Variants in PACSIN2 observed in about 807,000 individuals in gnomAD.
PACSIN2 encodes protein kinase C and casein kinase substrate in neurons 2.
PACSIN2 carries 25 observed loss-of-function variants against 63.8 expected under a neutral mutation model. The observed-to-expected ratio is 0.39, with a 90% confidence interval of 0.29 to 0.55. PACSIN2 has a LOEUF of 0.55. PACSIN2 is among the 20% of genes least tolerant of loss of function. PACSIN2 has a pLI of 0.62. For synonymous variants in PACSIN2, 255 were observed against 256.2 expected, an observed-to-expected ratio of 1.00 and a Z score of 0.05; for missense variants, 518 against 646.9, an observed-to-expected ratio of 0.80 and a Z score of 2.16.
chr22:42,895,452 T>C (rs1241121283), intron 2 of PACSIN2, among the ~76,000 whole-genome samples: 1 of 152,196 alleles, frequency 6.6e-6, no homozygotes. Flanking sequence ...AGTATTCAAA[T>C]TGGTAATCAC....
intron 1 of PACSIN2, among the ~76,000 whole-genome samples, chr22:42,981,433 A>T (rs1197568027): frequency 9.8e-6 from 1 of 102,346 alleles, no homozygotes; most frequent in Non-Finnish European, 2.0e-5. Flanking sequence ...CCTACTGGGA[A>T]GTGAGGAGCC....
At chr22:42,904,745 TC>T (rs1449878575) in intron 2 of PACSIN2, among the ~76,000 whole-genome samples, 1 of 152,046 alleles carries the variant, frequency 6.6e-6, no homozygotes, top group East Asian at 1.9e-4. Flanking sequence ...CCAGTCTACC[TC>T]CACCCTGGCC....
At chr22:42,889,373 T>TACACACACATAC (rs1555909670) in intron 4 of PACSIN2, among the ~76,000 whole-genome samples, 2 of 122,424 alleles carry the variant, frequency 1.6e-5, no homozygotes, top group African/African-American at 5.6e-5. Flanking sequence ...TAATGGTTTT[T>TACACACACATAC]ACACACACAC....
rs541956164 is a variant in PACSIN2, at chr22:42,971,374, C to T, written c.-78+43647G>A. ...GGTGCCAGGACTGCAGACGGAGTCT[C>T]GCTCACTCAGTGCTCTATGTTGCCC... On this transcript the variant is annotated intron_variant, in intron 1 of 10. Coordinates refer to ENST00000263246, the MANE Select transcript of PACSIN2 (RefSeq NM_001184970.3). 2.0e-5 allele frequency among the ~76,000 whole-genome samples: 3 copies of T among 152,344 alleles called. No homozygotes were observed. In the South Asian group the frequency reaches 6.2e-4, roughly 32 times the overall value.
intron 1 of PACSIN2, among the ~76,000 whole-genome samples, chr22:42,977,679 G>A (rs1432987293): frequency 6.6e-6 from 1 of 152,140 alleles, no homozygotes; most frequent in Non-Finnish European, 1.5e-5. Flanking sequence ...GGACCTGATG[G>A]GAGGTGATTA....
chr22:42,940,449 C>T (rs1398696608), intron 1 of PACSIN2, among the ~76,000 whole-genome samples: 1 of 152,146 alleles, frequency 6.6e-6, no homozygotes, highest in East Asian at 1.9e-4. Context: ...AGGTAGCTCT[C>T]AAACTTCCTC....
At chr22:42,934,929 T>A (rs1932866913) in intron 1 of PACSIN2, among the ~76,000 whole-genome samples, 1 of 152,096 alleles carries the variant, frequency 6.6e-6, no homozygotes, top group African/African-American at 2.4e-5. Flanking sequence ...TTTTTCTTTT[T>A]TTTTGAGACA....
chr22:42,971,065 G>T (rs1316409147), intron 1 of PACSIN2, among the ~76,000 whole-genome samples: 1 of 152,184 alleles, frequency 6.6e-6, no homozygotes, highest in Non-Finnish European at 1.5e-5. Flanking sequence ...GAAAGGAGGT[G>T]GCATTACAAA....
At chr22:42,911,497 C>T (rs956114132) in intron 2 of PACSIN2, among the ~76,000 whole-genome samples, 1 of 151,278 alleles carries the variant, frequency 6.6e-6, no homozygotes, top group African/African-American at 2.4e-5. Flanking sequence ...TCCGCCTCCA[C>T]AAAAAAACAA....
chr22:42,924,005 G>A (rs1482753177), intron 1 of PACSIN2, among the ~76,000 whole-genome samples: 1 of 151,558 alleles, frequency 6.6e-6, no homozygotes, highest in Non-Finnish European at 1.5e-5. Context: ...TTGTGCCACT[G>A]CACTTCAATC....
intron 1 of PACSIN2, among the ~76,000 whole-genome samples, chr22:42,943,793 G>C (rs1933283035): frequency 6.6e-6 from 1 of 152,092 alleles, no homozygotes; most frequent in African/African-American, 2.4e-5. Flanking sequence ...TTTGAGAAAA[G>C]AAATTTGTGA....
intron 1 of PACSIN2, among the ~76,000 whole-genome samples, chr22:42,939,609 A>G (rs918952417): frequency 1.3e-5 from 2 of 152,158 alleles, no homozygotes; most frequent in Admixed American, 6.5e-5. Context: ...ACAGAAATAT[A>G]TAACAACTTT....
intron 1 of PACSIN2, among the ~76,000 whole-genome samples, chr22:42,957,542 C>G (rs1356218401): frequency 1.3e-5 from 2 of 152,190 alleles, no homozygotes; most frequent in African/African-American, 4.8e-5. Context: ...AGGATTCAAA[C>G]TGAATTTTTA....
At chr22:42,962,975 C>G (rs530891459) in intron 1 of PACSIN2, among the ~76,000 whole-genome samples, 1 of 152,256 alleles carries the variant, frequency 6.6e-6, no homozygotes, top group South Asian at 2.1e-4. Flanking sequence ...CTCTCCTGTC[C>G]CTGGCAGTGA....
At chr22:42,922,372 T>C (rs1435617916) in intron 1 of PACSIN2, among the ~76,000 whole-genome samples, 9 of 152,120 alleles carry the variant, frequency 5.9e-5, no homozygotes, top group Non-Finnish European at 1.3e-4. Flanking sequence ...GGTCATTTTT[T>C]AGGCCAAAAG....
At position 42,950,120 on chromosome 22, in the gene PACSIN2, T is replaced by C. The variant is rs534945894; in HGVS notation, c.-77-37963A>G. 5.3e-5 allele frequency among the ~76,000 whole-genome samples: 8 copies of C among 152,132 alleles called. 1 individual carries two copies. The East Asian group carries it at 1.2e-3, about 22-fold the overall frequency. ...TGGGTAGCTGCATCTGTACTAAACA[T>C]GTACAGACTTTTTTTGCTTGTCATT... On this transcript the variant is annotated intron_variant, in intron 1 of 10. Transcript: ENST00000263246.
At chr22:42,895,226 C>T (rs1238517018) in intron 2 of PACSIN2, among the ~76,000 whole-genome samples, 4 of 152,226 alleles carry the variant, frequency 2.6e-5, no homozygotes, top group Non-Finnish European at 4.4e-5. Context: ...AGCATTTTCA[C>T]AGCTCACTGG....
intron 1 of PACSIN2, among the ~76,000 whole-genome samples, chr22:42,925,945 G>T (rs1307079278): frequency 6.6e-6 from 1 of 152,188 alleles, no homozygotes; most frequent in African/African-American, 2.4e-5. Context: ...TCTCCTGGAA[G>T]AATGGGGTCT....
chr22:42,935,976 G>A (rs188826812), intron 1 of PACSIN2, among the ~76,000 whole-genome samples: 311 of 152,288 alleles, frequency 2.0e-3, no homozygotes, highest in Non-Finnish European at 3.6e-3. Flanking sequence ...CACTTTGGGA[G>A]GCCGAGGTGG....
Sources: allele counts gnomAD v4.1 joint callset (sites outside exome capture counted in the v4.1 genomes callset), GRCh38; gene constraint gnomAD v4.1.1; transcripts MANE v1.5; gene names NCBI Gene and HGNC (gene_info 2026-07-23, HGNC 2026-07-21).